APP: variants seen among roughly 807,000 people sequenced by gnomAD.
APP encodes the protein amyloid-beta precursor protein.
A neutral mutation model predicts 101.4 loss-of-function variants in APP; 31 were observed. The observed-to-expected ratio is 0.31, with a 90% CI of 0.23 to 0.41. APP has a LOEUF of 0.41. Ranked by LOEUF, APP falls within the 10% of genes least tolerant of loss-of-function variation. APP has a pLI of 1.00. For synonymous variants in APP, 366 were observed against 364.4 expected (o/e 1.00, Z -0.05); for missense variants, 839 against 1,003.7 (o/e 0.84, Z 2.22).
intron 2 of APP, 82 bp downstream of exon 2, chr21:26,111,897 A>G: frequency 1.4e-6 from 2 of 1,472,702 alleles, no homozygotes; most frequent in Non-Finnish European, 1.9e-6. Flanking sequence ...TAAAATACTG[A>G]TGCAAAATAC....
intron 11 of APP, among the ~76,000 whole-genome samples, chr21:25,970,258 A>T (rs2041980290): frequency 6.6e-6 from 1 of 152,332 alleles, no homozygotes; most frequent in Admixed American, 6.5e-5. Context: ...ACACTTCGGC[A>T]AACATTCTTG....
intron 11 of APP, among the ~76,000 whole-genome samples, chr21:25,967,169 AAAG>A (rs1163134167): frequency 6.6e-6 from 1 of 152,232 alleles, no homozygotes; most frequent in Non-Finnish European, 1.5e-5. Context: ...ATGAGAAACC[AAAG>A]AAGGATGCCG....
At chr21:25,898,375 AT>A (rs1394613605) in intron 15 of APP, among the ~76,000 whole-genome samples, 1 of 152,230 alleles carries the variant, frequency 6.6e-6, no homozygotes. Context: ...GTTCTGATGA[AT>A]TTCATTATTC....
chr21:26,043,843 A>AT (rs2045484997), intron 5 of APP, among the ~76,000 whole-genome samples: 1 of 330 alleles, frequency 3.0e-3, no homozygotes, highest in Non-Finnish European at 7.1e-3. Context: ...TGATATTCTC[A>AT]CTTTATCCAT....
intron 6 of APP, among the ~76,000 whole-genome samples, chr21:26,021,243 T>C (rs1308050134): frequency 6.6e-6 from 1 of 152,110 alleles, no homozygotes; most frequent in African/African-American, 2.4e-5. Context: ...AGATGGGTTT[T>C]CACCATGTTG....
At chr21:26,150,495 C>T (rs2146339283) in intron 1 of APP, among the ~76,000 whole-genome samples, 1 of 152,210 alleles carries the variant, frequency 6.6e-6, no homozygotes, top group South Asian at 2.1e-4. Flanking sequence ...ATTCTGATCC[C>T]CTTCATACCC....
chr21:25,986,790 C>T (rs537730245), intron 8 of APP, among the ~76,000 whole-genome samples: 1 of 152,294 alleles, frequency 6.6e-6, no homozygotes, highest in African/African-American at 2.4e-5. Context: ...CTAGGATTTC[C>T]ATGTTGGCCA....
intron 13 of APP, among the ~76,000 whole-genome samples, chr21:25,953,439 G>C (rs778675590): frequency 1.3e-4 from 20 of 152,150 alleles, no homozygotes; most frequent in Non-Finnish European, 2.5e-4. Flanking sequence ...CCCTTGAGCG[G>C]TGTTTCAGGC....
intron 13 of APP, among the ~76,000 whole-genome samples, chr21:25,952,091 T>C (rs946965674): frequency 4.6e-5 from 7 of 151,924 alleles, no homozygotes; most frequent in African/African-American, 1.7e-4. Flanking sequence ...TTAAAAAAGA[T>C]TATCTTTCAG....
chr21:26,059,844 T>C (rs1051118000), intron 3 of APP, among the ~76,000 whole-genome samples: 1 of 122,116 alleles, frequency 8.2e-6, no homozygotes, highest in Admixed American at 1.1e-4. Flanking sequence ...TGAGCCAAGA[T>C]AGCACCACTG....
intron 13 of APP, among the ~76,000 whole-genome samples, chr21:25,924,429 G>GAAAAAAAAAAAAAA (rs1338097815): frequency 3.7e-5 from 2 of 53,666 alleles, no homozygotes; most frequent in Non-Finnish European, 6.3e-5. Flanking sequence ...AAAAAAAAAG[G>GAAAAAAAAAAAAAA]AAAAAAAAAA....
intron 8 of APP, among the ~76,000 whole-genome samples, chr21:25,991,644 C>T (rs1386937470): frequency 6.6e-6 from 1 of 152,206 alleles, no homozygotes; most frequent in Non-Finnish European, 1.5e-5. Context: ...TCCCAAAGTG[C>T]TGGGATTACA....
intron 6 of APP, among the ~76,000 whole-genome samples, chr21:26,003,290 G>T (rs1232441878): frequency 2.6e-5 from 4 of 152,208 alleles, no homozygotes; most frequent in Non-Finnish European, 5.9e-5. Flanking sequence ...ACTCTTGCTG[G>T]AGTCTCCAGC....
chr21:25,884,768 G>C (rs769535932), intron 17 of APP, among the ~76,000 whole-genome samples: 5 of 152,202 alleles, frequency 3.3e-5, no homozygotes, highest in Non-Finnish European at 5.9e-5. Context: ...AAGCCACAAT[G>C]CTGCTTGATT....
At chr21:26,090,395 A>G (rs1601432906) in intron 2 of APP, among the ~76,000 whole-genome samples, 3 of 152,090 alleles carry the variant, frequency 2.0e-5, no homozygotes, top group Admixed American at 2.0e-4. Context: ...GGGATACTCA[A>G]CCTATACCAC....
intron 8 of APP, among the ~76,000 whole-genome samples, chr21:25,987,555 C>A (rs1352947345): frequency 6.6e-6 from 1 of 152,178 alleles, no homozygotes; most frequent in Non-Finnish European, 1.5e-5. Context: ...TCATGTGTAT[C>A]TAAACACTCA....
rs760218235 is a variant in APP at position 25,905,012 on chromosome 21, C to T, written c.1963+12G>A. ...AAGATGCGGAGAGGCACAAGTCAAG[C>T]GGTTCTGATACCTGGTCGAGTGGTC... On this transcript the variant is annotated intron_variant, in intron 15 of 17. Transcript: ENST00000346798. The T allele has an allele frequency of 8.1e-6, 13 of 1,612,888 alleles. No homozygotes were observed. Among genetic ancestry groups the T allele is most frequent in the Admixed American group, 5.0e-5 (3 of 59,948 alleles).
chr21:26,074,558 G>A (rs1307572653), intron 3 of APP, among the ~76,000 whole-genome samples: 2 of 152,132 alleles, frequency 1.3e-5, no homozygotes, highest in South Asian at 2.1e-4. Flanking sequence ...CGAGACCATC[G>A]TGGGCAACAT....
At chr21:26,130,454 CA>C (rs1490368608) in intron 1 of APP, among the ~76,000 whole-genome samples, 21 of 152,348 alleles carry the variant, frequency 1.4e-4, no homozygotes, top group African/African-American at 5.1e-4. Context: ...GGCCACTCTC[CA>C]TAAGGAGACA....
Sources: gnomAD v4.1 joint callset for allele counts (sites outside exome capture counted in the v4.1 genomes callset) on GRCh38, gnomAD v4.1.1 for gene constraint, MANE v1.5 for transcripts, NCBI Gene and HGNC (gene_info 2026-07-23, HGNC 2026-07-21) for gene names.